Variants in SASH1 observed in about 807,000 individuals in gnomAD.
SASH1 encodes SAM and SH3 domain containing 1, also known as SAM and SH3 domain-containing protein 1.
In SASH1, 44 loss-of-function variants were observed where a neutral mutation model predicts 125.2. The observed-to-expected ratio is 0.35, with a 90% CI of 0.28 to 0.45. The LOEUF is 0.45. SASH1 is among the 20% of genes least tolerant of loss of function. SASH1 has a pLI of 1.00. For synonymous variants in SASH1, 639 were observed against 649.1 expected, an observed-to-expected ratio of 0.98 and a Z score of 0.24; for missense variants, 1,426 against 1,614.5, an observed-to-expected ratio of 0.88 and a Z score of 2.00.
Position 148,549,308 on chromosome 6 carries a change from A to G in SASH1, c.*750A>G, listed in dbSNP as rs1197718032. On this transcript the variant is annotated 3_prime_UTR_variant, in exon 20 of 20. Coordinates refer to ENST00000367467, the MANE Select transcript of SASH1 (RefSeq NM_015278.5). ...CTCATTGTAACATGGCTTATTTTGT[A>G]GAGGTATTCATCAGCCACACACTTC... 1 of 282,224 alleles carries G rather than the reference A, an allele frequency of 3.5e-6. No individual in the cohort carries two copies. Among genetic ancestry groups the G allele is most frequent in the African/African-American group, 2.2e-5 (1 of 46,266 alleles). The allele number at this position is 282,224 out of a possible 1,614,324, so 17.5% of individuals were successfully genotyped here.
At chr6:148,539,790 C>T (rs1396406908) in intron 16 of SASH1, among the ~76,000 whole-genome samples, 1 of 152,106 alleles carries the variant, frequency 6.6e-6, no homozygotes, top group Non-Finnish European at 1.5e-5. Context: ...TCATCCCAAA[C>T]AACAAAAACA....
At chr6:148,276,416 C>A (rs1779186065) in intron 1 of SASH1, among the ~76,000 whole-genome samples, 1 of 152,166 alleles carries the variant, frequency 6.6e-6, no homozygotes, top group African/African-American at 2.4e-5. Flanking sequence ...GGCAGCATGT[C>A]AGTAGGCTAG....
intron 7 of SASH1, among the ~76,000 whole-genome samples, chr6:148,478,351 A>T (rs893275385): frequency 6.6e-6 from 1 of 152,244 alleles, no homozygotes; most frequent in African/African-American, 2.4e-5. Flanking sequence ...GCCATAAAAA[A>T]GAATGAGTCT....
intron 9 of SASH1, among the ~76,000 whole-genome samples, chr6:148,515,427 G>C (rs1218297936): frequency 6.6e-6 from 1 of 152,058 alleles, no homozygotes; most frequent in Non-Finnish European, 1.5e-5. Context: ...CAAAGATAAG[G>C]GTTTTTCGTT....
chr6:148,297,025 C>T (rs552099752), intron 1 of SASH1, among the ~76,000 whole-genome samples: 3 of 152,324 alleles, frequency 2.0e-5, no homozygotes, highest in South Asian at 2.1e-4. Context: ...AAGAGAATCT[C>T]TTTACTGTTG....
intron 2 of SASH1, among the ~76,000 whole-genome samples, chr6:148,406,625 G>A (rs937266329): frequency 2.6e-5 from 4 of 152,262 alleles, no homozygotes; most frequent in African/African-American, 4.8e-5. Context: ...GACAGGTGAA[G>A]CAAGGTGCCA....
chr6:148,506,889 A>G (rs892078531), intron 8 of SASH1, among the ~76,000 whole-genome samples: 1 of 152,200 alleles, frequency 6.6e-6, no homozygotes, highest in Non-Finnish European at 1.5e-5. Flanking sequence ...GAGCAAAACC[A>G]TACAGTCTCA....
rs1002828827 is a variant in SASH1 at position 148,373,383 on chromosome 6, G to T, written c.157-16751G>T. On this transcript the variant is annotated intron_variant, in intron 1 of 19. Coordinates refer to ENST00000367467, the MANE Select transcript of SASH1 (RefSeq NM_015278.5). ...GCCTGGCCAAGGTGGAGTGGCTCTG[G>T]TGTGTTGGAGGAGTAGCAAGGTGGC... Among the ~76,000 whole-genome samples the T allele has an allele frequency of 5.9e-5, 9 of 151,998 alleles. No homozygotes were observed. The South Asian group carries it at 1.7e-3, about 28-fold the overall frequency.
At chr6:148,257,372 A>G in the SASH1 span, among the ~76,000 whole-genome samples, 1 of 152,180 alleles carries the variant, frequency 6.6e-6, no homozygotes. Flanking sequence ...TAAAATTCCT[A>G]TCCAAGGCTG....
intron 4 of SASH1, among the ~76,000 whole-genome samples, chr6:148,463,942 T>C (rs1464102048): frequency 6.6e-6 from 1 of 152,210 alleles, no homozygotes; most frequent in Non-Finnish European, 1.5e-5. Flanking sequence ...TGTTTATTGC[T>C]ATGTTCTCAG....
intron 2 of SASH1, chr6:148,393,609 A>G: frequency 1.4e-6 from 1 of 718,390 alleles, no homozygotes; most frequent in South Asian, 6.3e-5. Flanking sequence ...GGTGGGATTT[A>G]GATTATTATT....
At chr6:148,468,228 A>G (rs80253774) in intron 4 of SASH1, among the ~76,000 whole-genome samples, 7,547 of 152,308 alleles carry the variant, frequency 0.05, 259 homozygotes, top group African/African-American at 0.096. Flanking sequence ...AGACTTCCCA[A>G]TGGCAGTAAC....
upstream of SASH1, among the ~76,000 whole-genome samples, chr6:148,341,545 T>C (rs1781327516): frequency 6.6e-6 from 1 of 152,200 alleles, no homozygotes; most frequent in Admixed American, 6.5e-5. Flanking sequence ...CATTTTGAAC[T>C]TTCCTGTAAG....
intron 1 of SASH1, among the ~76,000 whole-genome samples, chr6:148,289,185 G>C (rs1779560998): frequency 6.6e-6 from 1 of 152,110 alleles, no homozygotes; most frequent in Admixed American, 6.6e-5. Context: ...TCAGTTTCAA[G>C]GGATTGTTTG....
intron 2 of SASH1, among the ~76,000 whole-genome samples, chr6:148,427,548 A>G (rs1291398723): frequency 1.3e-5 from 2 of 152,196 alleles, no homozygotes; most frequent in East Asian, 3.9e-4. Flanking sequence ...AATGCTTGGT[A>G]TGTGGTATGC....
intron 1 of SASH1, among the ~76,000 whole-genome samples, chr6:148,354,413 A>G (rs191292977): frequency 7.2e-4 from 110 of 152,248 alleles, no homozygotes; most frequent in Non-Finnish European, 1.4e-3. Context: ...TTATGATTTC[A>G]TTTTTTGAGT....
At chr6:148,462,999 T>C (rs1777685149) in intron 4 of SASH1, among the ~76,000 whole-genome samples, 1 of 152,094 alleles carries the variant, frequency 6.6e-6, no homozygotes, top group Admixed American at 6.5e-5. Flanking sequence ...TCTATACAAG[T>C]GTAAAGAATT....
At chr6:148,422,177 T>C (rs1326899464) in intron 2 of SASH1, among the ~76,000 whole-genome samples, 1 of 152,120 alleles carries the variant, frequency 6.6e-6, no homozygotes, top group African/African-American at 2.4e-5. Context: ...AGAATCCCAT[T>C]TGTTTTGCAG....
chr6:148,199,493 T>G, the SASH1 span, among the ~76,000 whole-genome samples: 1 of 151,970 alleles, frequency 6.6e-6, no homozygotes, highest in Non-Finnish European at 1.5e-5. Flanking sequence ...GGGCCAGGAG[T>G]TTGAAACCAG....
Sources: allele counts gnomAD v4.1 joint callset (sites outside exome capture counted in the v4.1 genomes callset), GRCh38; gene constraint gnomAD v4.1.1; transcripts MANE v1.5; gene names NCBI Gene and HGNC (gene_info 2026-07-23, HGNC 2026-07-21).